Variants in SEMA5A observed in about 807,000 individuals in gnomAD.
SEMA5A encodes semaphorin 5A.
A neutral mutation model predicts 135.5 loss-of-function variants in SEMA5A; 55 were observed. The ratio of observed to expected loss-of-function variants is 0.41; its 90% CI spans 0.33 to 0.51. SEMA5A has a LOEUF of 0.51. SEMA5A is among the 20% of genes least tolerant of loss of function. The pLI is 0.37. For synonymous variants in SEMA5A, 580 were observed against 546.5 expected (o/e 1.06, Z -0.85); for missense variants, 1,290 against 1,419.9 (o/e 0.91, Z 1.47).
At chr5:9,062,677 C>A (rs148113377) in intron 18 of SEMA5A, among the ~76,000 whole-genome samples, 1 of 152,208 alleles carries the variant, frequency 6.6e-6, no homozygotes, top group African/African-American at 2.4e-5. Flanking sequence ...TATTGCCCAG[C>A]CTTGAGTTCT....
intron 6 of SEMA5A, among the ~76,000 whole-genome samples, chr5:9,233,887 C>A (rs976381319): frequency 1.3e-5 from 2 of 151,704 alleles, no homozygotes; most frequent in African/African-American, 2.4e-5. Flanking sequence ...GCATTATGTG[C>A]AGAAGCACAG....
chr5:9,041,582 T>G lies in SEMA5A; in HGVS notation c.*1315A>C, dbSNP rs757263763. On this transcript the variant is annotated 3_prime_UTR_variant, in exon 23 of 23. Coordinates refer to ENST00000382496, the MANE Select transcript of SEMA5A (RefSeq NM_003966.3). ...CACAGGGATCCCAAAAACCCTTACTTCCAGCTATCCTGACTTCCCAAGGTA... is the reference window on the plus strand; with the variant it reads ...CACAGGGATCCCAAAAACCCTTACTGCCAGCTATCCTGACTTCCCAAGGTA... 1 of 152,256 alleles carries G rather than the reference T, an allele frequency of 6.6e-6. No homozygotes were observed. The highest frequency in any genetic ancestry group is 1.5e-5 in the Non-Finnish European group (1 of 68,068). 9.4% of individuals were successfully genotyped at this position (152,256 alleles called of 1,614,324 possible). A position where few individuals can be genotyped will look rare whatever the true frequency, so the allele number is the denominator to read the frequency against.
intron 15 of SEMA5A, among the ~76,000 whole-genome samples, chr5:9,114,839 G>T (rs1740428714): frequency 6.6e-6 from 1 of 152,192 alleles, no homozygotes; most frequent in South Asian, 2.1e-4. Flanking sequence ...GTTAGGGAAG[G>T]TTGGAATACA....
chr5:9,273,642 G>A lies in SEMA5A; in HGVS notation c.271-35752C>T, dbSNP rs139783614. Among the ~76,000 whole-genome samples, 1,270 of 152,178 alleles carry A rather than the reference G, an allele frequency of 8.3e-3. 14 individuals carry two copies. The highest frequency in any genetic ancestry group is 0.029 in the African/African-American group (1,218 of 41,528). On this transcript the variant is annotated intron_variant, in intron 5 of 22. Transcript: ENST00000382496. ...TCCCATCAGACTAACAGCAGATCTCGCAGCAGAAACTCTACAAGCCAGAAG... is the reference window on the plus strand; with the variant it reads ...TCCCATCAGACTAACAGCAGATCTCACAGCAGAAACTCTACAAGCCAGAAG...
At chr5:9,277,949 A>C (rs945715637) in intron 5 of SEMA5A, among the ~76,000 whole-genome samples, 1 of 152,176 alleles carries the variant, frequency 6.6e-6, no homozygotes, top group African/African-American at 2.4e-5. Context: ...CCCAGAACTT[A>C]AAGTATAATA....
At chr5:9,152,702 T>C (rs1190699987) in intron 12 of SEMA5A, among the ~76,000 whole-genome samples, 2 of 152,226 alleles carry the variant, frequency 1.3e-5, no homozygotes, top group African/African-American at 4.8e-5. Flanking sequence ...TATTATCCTA[T>C]TTGAGTCTAC....
chr5:9,482,711 A>T (rs1759921782), intron 1 of SEMA5A, among the ~76,000 whole-genome samples: 1 of 152,214 alleles, frequency 6.6e-6, no homozygotes. Flanking sequence ...ACACGCACAC[A>T]ATTGGCTCTC....
At chr5:9,426,013 G>A (rs2126642483) in intron 2 of SEMA5A, among the ~76,000 whole-genome samples, 1 of 152,222 alleles carries the variant, frequency 6.6e-6, no homozygotes, top group South Asian at 2.1e-4. Flanking sequence ...AGATGAAATG[G>A]CATGCATAAA....
intron 1 of SEMA5A, among the ~76,000 whole-genome samples, chr5:9,453,672 T>C (rs551730216): frequency 1.3e-5 from 2 of 152,330 alleles, no homozygotes; most frequent in Non-Finnish European, 2.9e-5. Flanking sequence ...GACAAAAATA[T>C]GGTGACCAGA....
chr5:9,389,221 C>T, intron 2 of SEMA5A, among the ~76,000 whole-genome samples: 1 of 152,092 alleles, frequency 6.6e-6, no homozygotes, highest in Non-Finnish European at 1.5e-5. Context: ...TGGCATTCTC[C>T]TCGAATGAAA....
rs1737262466 is a variant in SEMA5A at position 9,528,537 on chromosome 5, T to C, written c.-175+17047A>G. On this transcript the variant is annotated intron_variant, in intron 1 of 22. Coordinates refer to ENST00000382496, the MANE Select transcript of SEMA5A (RefSeq NM_003966.3). ...CCTAGGACTGCTTTGACCAGTAGAA[T>C]ACAGTGGAAGTGGTCCTATGCCTGT... Among the ~76,000 whole-genome samples the C allele has an allele frequency of 1.3e-5, 2 of 152,172 alleles. 1 individual carries two copies. The highest frequency in any genetic ancestry group is 1.3e-4 in the Admixed American group (2 of 15,274).
At chr5:9,514,522 G>C (rs770956252) in intron 1 of SEMA5A, among the ~76,000 whole-genome samples, 1 of 152,182 alleles carries the variant, frequency 6.6e-6, no homozygotes, top group Non-Finnish European at 1.5e-5. Flanking sequence ...TCATGTCCCT[G>C]ATATGTAATA....
chr5:9,208,254 TC>T (rs1746156083), intron 8 of SEMA5A, among the ~76,000 whole-genome samples: 1 of 119,392 alleles, frequency 8.4e-6, no homozygotes, highest in Non-Finnish European at 1.8e-5. Flanking sequence ...GAGTATGCAT[TC>T]CGTATATCAA....
intron 18 of SEMA5A, among the ~76,000 whole-genome samples, chr5:9,055,482 G>A (rs556495921): frequency 6.6e-6 from 1 of 152,290 alleles, no homozygotes; most frequent in Admixed American, 6.5e-5. Flanking sequence ...CAGGGCATAA[G>A]ATTGTTTTAG....
chr5:9,354,444 T>C (rs1754355014), intron 3 of SEMA5A, among the ~76,000 whole-genome samples: 1 of 152,200 alleles, frequency 6.6e-6, no homozygotes, highest in Admixed American at 6.5e-5. Flanking sequence ...TCAGAGACCC[T>C]TCCTGCTCTG....
intron 3 of SEMA5A, among the ~76,000 whole-genome samples, chr5:9,374,731 C>T (rs1755288187): frequency 6.6e-6 from 1 of 152,012 alleles, no homozygotes; most frequent in Admixed American, 6.6e-5. Flanking sequence ...TACTCTTGGC[C>T]TGGGGCCTGC....
At chr5:9,312,627 A>G (rs1752194155) in intron 5 of SEMA5A, among the ~76,000 whole-genome samples, 1 of 152,200 alleles carries the variant, frequency 6.6e-6, no homozygotes, top group African/African-American at 2.4e-5. Flanking sequence ...TTTACCTCAT[A>G]CAGATAACAT....
intron 1 of SEMA5A, among the ~76,000 whole-genome samples, chr5:9,443,106 G>C (rs1207259156): frequency 6.6e-6 from 1 of 152,202 alleles, no homozygotes; most frequent in Non-Finnish European, 1.5e-5. Context: ...TGGGTGTCCA[G>C]GCTTCCATTA....
At chr5:9,100,712 T>C (rs1354062651) in intron 16 of SEMA5A, among the ~76,000 whole-genome samples, 1 of 152,090 alleles carries the variant, frequency 6.6e-6, no homozygotes, top group Non-Finnish European at 1.5e-5. Flanking sequence ...GCCAGAATTT[T>C]CACTCTCAGC....
Sources: allele counts gnomAD v4.1 joint callset (sites outside exome capture counted in the v4.1 genomes callset), GRCh38; gene constraint gnomAD v4.1.1; transcripts MANE v1.5; gene names NCBI Gene and HGNC (gene_info 2026-07-23, HGNC 2026-07-21).